The following ASCC3 variants were observed in gnomAD, a reference collection of about 807,000 sequenced individuals.
The protein encoded by ASCC3 is ASC-1 complex subunit P200.
Under a neutral mutation model 256.3 loss-of-function variants are expected in ASCC3, and 158 were observed. The observed-to-expected ratio is 0.62, with a 90% CI of 0.54 to 0.70. ASCC3 has a LOEUF of 0.70. ASCC3 is among the 30% of genes least tolerant of loss of function. ASCC3 has a pLI of 0.00. For synonymous variants in ASCC3, 948 were observed against 883.4 expected (o/e 1.07, Z -1.30); for missense variants, 2,259 against 2,626.0 (o/e 0.86, Z 3.05).
chr6:100,603,464 G>A (rs1772730285), intron 33 of ASCC3, among the ~76,000 whole-genome samples: 1 of 152,002 alleles, frequency 6.6e-6, no homozygotes. Flanking sequence ...TTACTGCAGT[G>A]GTTTGGGCCT....
rs371521309 is a variant in ASCC3 at position 100,608,254 on chromosome 6, T to TTA, written c.4786-1168_4786-1167dup. On this transcript the variant is annotated intron_variant, in intron 30 of 41. Transcript: ENST00000369162. ...ATACTTTATACTTTATATATATACT[T>TTA]TATATATACTTTATATATATACTTT... 2.8e-5 allele frequency among the ~76,000 whole-genome samples: 2 copies of TTA among 72,166 alleles called. 1 individual carries two copies. The highest frequency in any genetic ancestry group is 4.4e-5 in the Non-Finnish European group (2 of 45,430). The allele number at this position is 72,166 out of a possible 152,430, so 47.3% of individuals were successfully genotyped here.
intron 4 of ASCC3, among the ~76,000 whole-genome samples, chr6:100,847,565 CAAT>C (rs1470921600): frequency 1.3e-5 from 2 of 151,928 alleles, no homozygotes; most frequent in Admixed American, 6.6e-5. Flanking sequence ...TTCTTAATTC[CAAT>C]AATAACGACA....
intron 4 of ASCC3, among the ~76,000 whole-genome samples, chr6:100,807,108 A>T (rs1048199539): frequency 3.3e-5 from 5 of 152,048 alleles, no homozygotes; most frequent in Admixed American, 6.6e-5. Flanking sequence ...TATTTTCCAG[A>T]AAACTGTGAC....
chr6:100,635,655 C>T (rs1774806003), intron 25 of ASCC3, among the ~76,000 whole-genome samples: 2 of 152,008 alleles, frequency 1.3e-5, no homozygotes, highest in South Asian at 4.1e-4. Context: ...GTAGTAATCA[C>T]TTGACAATGT....
intron 5 of ASCC3, among the ~76,000 whole-genome samples, chr6:100,801,826 C>A (rs1769931015): frequency 6.6e-6 from 1 of 150,972 alleles, no homozygotes; most frequent in African/African-American, 2.4e-5. Context: ...ACTCTGAACT[C>A]TTCATAAAAG....
chr6:100,811,165 T>C (rs1251300126), intron 4 of ASCC3, among the ~76,000 whole-genome samples: 1 of 152,162 alleles, frequency 6.6e-6, no homozygotes, highest in Non-Finnish European at 1.5e-5. Context: ...ATAGGCCCAT[T>C]TGTCCAACTC....
intron 36 of ASCC3, among the ~76,000 whole-genome samples, chr6:100,583,566 G>T (rs1346934076): frequency 6.6e-6 from 1 of 152,068 alleles, no homozygotes; most frequent in South Asian, 2.1e-4. Flanking sequence ...TTTTTGAAAG[G>T]TTTTTTGTGT....
At chr6:100,819,689 G>GCC (rs1430790822) in intron 4 of ASCC3, among the ~76,000 whole-genome samples, 1 of 152,148 alleles carries the variant, frequency 6.6e-6, no homozygotes, top group Non-Finnish European at 1.5e-5. Flanking sequence ...AGAAGACTCA[G>GCC]CCAGTCTAGT....
intron 4 of ASCC3, among the ~76,000 whole-genome samples, chr6:100,846,854 C>T (rs1274126481): frequency 6.6e-6 from 1 of 152,036 alleles, no homozygotes; most frequent in East Asian, 1.9e-4. Context: ...TATTATAATA[C>T]CTATGATATT....
At chr6:100,534,109 T>C (rs1775050673) in intron 37 of ASCC3, among the ~76,000 whole-genome samples, 1 of 152,178 alleles carries the variant, frequency 6.6e-6, no homozygotes, top group South Asian at 2.1e-4. Context: ...CCAGGCGTGG[T>C]GGCTTGCACC....
chr6:100,725,706 A>T lies in ASCC3; in HGVS notation c.1738-3T>A. 1 of 1,612,224 alleles carries T rather than the reference A, an allele frequency of 6.2e-7. No homozygotes were observed. Among genetic ancestry groups the T allele is most frequent in the Non-Finnish European group, 8.5e-7 (1 of 1,178,712 alleles). ...TTTTCTGGTGTGGTCACAAGCATCTATAAGAGAAGACACATTTTAAAAGGG... is the reference window on the plus strand; with the variant it reads ...TTTTCTGGTGTGGTCACAAGCATCTTTAAGAGAAGACACATTTTAAAAGGG... On this transcript the variant is annotated splice_polypyrimidine_tract_variant and splice_region_variant and intron_variant, in intron 10 of 41. Transcript: ENST00000369162.
chr6:100,805,906 A>C, intron 4 of ASCC3, 26 bp from the exon 5 acceptor site: 1 of 1,606,194 alleles, frequency 6.2e-7, no homozygotes, highest in South Asian at 1.1e-5. Context: ...AAAAGTAACA[A>C]ACATCAGTTA....
chr6:100,867,003 G>T (rs1194865843), intron 2 of ASCC3, among the ~76,000 whole-genome samples: 1 of 152,124 alleles, frequency 6.6e-6, no homozygotes, highest in Non-Finnish European at 1.5e-5. Flanking sequence ...AACTGCATAT[G>T]TAATTTATTT....
At chr6:100,536,321 A>G (rs1370722239) in intron 37 of ASCC3, among the ~76,000 whole-genome samples, 1 of 152,234 alleles carries the variant, frequency 6.6e-6, no homozygotes, top group Non-Finnish European at 1.5e-5. Context: ...GAGGTATAAG[A>G]ATGATAAATA....
chr6:100,652,580 T>C, intron 18 of ASCC3, 145 bp downstream of exon 18: 1 of 852,182 alleles, frequency 1.2e-6, no homozygotes, highest in South Asian at 1.8e-5. Flanking sequence ...TTTTCTTGTC[T>C]TTACTGAGGG....
At chr6:100,802,678 A>T (rs1203649175) in intron 5 of ASCC3, among the ~76,000 whole-genome samples, 1 of 152,066 alleles carries the variant, frequency 6.6e-6, no homozygotes, top group Non-Finnish European at 1.5e-5. Flanking sequence ...TTTGTATTAA[A>T]CTTTATTTTA....
chr6:100,847,302 C>T (rs1009787423), intron 4 of ASCC3, among the ~76,000 whole-genome samples: 1 of 151,938 alleles, frequency 6.6e-6, no homozygotes, highest in Non-Finnish European at 1.5e-5. Flanking sequence ...ATATTATGTT[C>T]AGAATGTTAG....
intron 36 of ASCC3, among the ~76,000 whole-genome samples, chr6:100,575,855 C>G (rs151269393): frequency 1.6e-3 from 250 of 152,126 alleles, no homozygotes; most frequent in African/African-American, 5.6e-3. Flanking sequence ...CTTTTCATTT[C>G]TATTCCAGTT....
At chr6:100,818,748 CAA>C (rs56668191) in intron 4 of ASCC3, among the ~76,000 whole-genome samples, 759 of 58,110 alleles carry the variant, frequency 0.013, 7 homozygotes, top group East Asian at 0.1. Context: ...AGGCAAAAGC[CAA>C]AAAAAAAAAA....
Sources: allele counts gnomAD v4.1 joint callset (sites outside exome capture counted in the v4.1 genomes callset), GRCh38; gene constraint gnomAD v4.1.1; transcripts MANE v1.5; gene names NCBI Gene and HGNC (gene_info 2026-07-23, HGNC 2026-07-21).